Variants in DMD observed in about 807,000 individuals in gnomAD.
DMD encodes the protein mutant dystrophin.
DMD carries 63 observed loss-of-function variants against 330.1 expected under a neutral mutation model. The observed-to-expected ratio is 0.19, with a 90% CI of 0.16 to 0.24. The LOEUF is 0.24. Among genes scored for constraint, DMD ranks in the 10% least tolerant of loss-of-function variants. The pLI is 1.00. For synonymous variants in DMD, 1,223 were observed against 959.8 expected (o/e 1.27, Z -5.07); for missense variants, 3,344 against 2,684.1 (o/e 1.25, Z -5.43).
chrX:33,227,663 T>A (rs7066927), intron 1 of DMD, among the ~76,000 whole-genome samples: 9,453 of 110,281 alleles, frequency 0.086, 449 homozygotes, highest in African/African-American at 0.18. Context: ...TTTGAGAGGA[T>A]TTATGTAGCA....
At chrX:32,571,040 G>A (rs1407335419) in intron 15 of DMD, among the ~76,000 whole-genome samples, 1 of 111,703 alleles carries the variant, frequency 9.0e-6, no homozygotes, top group East Asian at 2.8e-4. Flanking sequence ...TTCTCCATGA[G>A]GAAATGAAAT....
chrX:33,311,342 T>C (rs1383624602), intron 1 of DMD, among the ~76,000 whole-genome samples: 1 of 110,270 alleles, frequency 9.1e-6, no homozygotes, highest in African/African-American at 3.3e-5. Flanking sequence ...CAGACACTTA[T>C]CTATAATATA....
chrX:32,042,078 TAC>T (rs72220274), intron 44 of DMD, among the ~76,000 whole-genome samples: 12,121 of 81,914 alleles, frequency 0.15, 1,180 homozygotes, highest in African/African-American at 0.2. Flanking sequence ...TACACATATA[TAC>T]ACACACACAT....
intron 17 of DMD, among the ~76,000 whole-genome samples, chrX:32,518,827 A>G (rs1161088898): frequency 9.1e-6 from 1 of 110,029 alleles, no homozygotes; most frequent in Non-Finnish European, 1.9e-5. Flanking sequence ...AAGACAGACA[A>G]ATGAGTGCTC....
chrX:32,222,448 T>G (rs149908586), intron 43 of DMD, among the ~76,000 whole-genome samples: 15 of 111,603 alleles, frequency 1.3e-4, no homozygotes, highest in African/African-American at 4.2e-4. Context: ...TAAATGAAAT[T>G]GAAACAAAAA....
At chrX:32,693,613 T>A (rs1464938063) in intron 9 of DMD, among the ~76,000 whole-genome samples, 1 of 111,647 alleles carries the variant, frequency 9.0e-6, no homozygotes. Flanking sequence ...TTAATTTTTG[T>A]GTTTTCAGTA....
chrX:31,834,641 T>C (rs111316324), intron 49 of DMD, among the ~76,000 whole-genome samples: 3 of 111,361 alleles, frequency 2.7e-5, no homozygotes, highest in Admixed American at 9.6e-5. Context: ...GGTTTCACCA[T>C]GTTGGCCAGG....
intron 50 of DMD, among the ~76,000 whole-genome samples, chrX:31,783,019 G>T (rs1412009633): frequency 1.8e-5 from 2 of 111,539 alleles, no homozygotes; most frequent in African/African-American, 3.3e-5. Context: ...AGAAGACAAG[G>T]GAAGAAAAAG....
Position 31,131,449 on chromosome X carries a change from C to T in DMD, c.11014+2653G>A, listed in dbSNP as rs770943379. Among the ~76,000 whole-genome samples, 16 of 111,575 alleles carry T rather than the reference C, an allele frequency of 1.4e-4. No homozygotes were observed. The East Asian group carries it at 2.8e-3, about 20-fold the overall frequency. On this transcript the variant is annotated intron_variant, in intron 77 of 78. Coordinates refer to ENST00000357033, the MANE Select transcript of DMD (RefSeq NM_004006.3). ...GTGGGTGTATATATACATGTGTGTA[C>T]ATAAACACATGTACAATTTATTTTA...
chrX:31,252,011 A>G (rs1453490976), intron 63 of DMD, among the ~76,000 whole-genome samples: 2 of 112,125 alleles, frequency 1.8e-5, no homozygotes, highest in African/African-American at 6.5e-5. Context: ...ATTCAGAAAT[A>G]TCTATTATGT....
At chrX:31,644,337 A>G (rs1299218477) in intron 54 of DMD, among the ~76,000 whole-genome samples, 2 of 112,017 alleles carry the variant, frequency 1.8e-5, no homozygotes, top group Non-Finnish European at 3.8e-5. Context: ...GTGATGCTGC[A>G]ATGTAAAAAC....
At chrX:31,486,000 G>T (rs964466976) in intron 57 of DMD, among the ~76,000 whole-genome samples, 4 of 112,312 alleles carry the variant, frequency 3.6e-5, no homozygotes, top group Admixed American at 9.4e-5. Flanking sequence ...GAACCTGGCT[G>T]CAGTGATCCA....
chrX:33,115,443 A>C (rs1406214839), intron 1 of DMD, among the ~76,000 whole-genome samples: 1 of 109,801 alleles, frequency 9.1e-6, no homozygotes, highest in Non-Finnish European at 1.9e-5. Flanking sequence ...TGGTAGGGGG[A>C]GGTTCCTTTT....
At chrX:31,746,354 A>AC (rs1450290403) in intron 51 of DMD, among the ~76,000 whole-genome samples, 1 of 111,678 alleles carries the variant, frequency 9.0e-6, no homozygotes, top group Non-Finnish European at 1.9e-5. Flanking sequence ...TGCTGTCTTC[A>AC]CATGGTAGAT....
At chrX:32,835,172 AGAGTT>A (rs1260256616) in intron 4 of DMD, among the ~76,000 whole-genome samples, 1 of 112,288 alleles carries the variant, frequency 8.9e-6, no homozygotes. Flanking sequence ...TTGAGAGAAT[AGAGTT>A]AAGTGTAGAA....
At chrX:31,896,633 G>T (rs2094337544) in intron 47 of DMD, among the ~76,000 whole-genome samples, 1 of 111,566 alleles carries the variant, frequency 9.0e-6, no homozygotes, top group South Asian at 3.7e-4. Context: ...CAGAAAACCA[G>T]ATCTACCTCT....
At chrX:31,247,238 G>C (rs891310640) in intron 63 of DMD, among the ~76,000 whole-genome samples, 2 of 111,663 alleles carry the variant, frequency 1.8e-5, no homozygotes, top group African/African-American at 6.5e-5. Context: ...TATTAGTTGA[G>C]AAATATTTTG....
intron 55 of DMD, among the ~76,000 whole-genome samples, chrX:31,525,107 C>A (rs2073143663): frequency 8.9e-6 from 1 of 111,849 alleles, no homozygotes; most frequent in Admixed American, 9.5e-5. Flanking sequence ...TGATTTTTTA[C>A]TTGGCTGCTG....
At chrX:31,882,844 A>C (rs1427951519) in intron 47 of DMD, among the ~76,000 whole-genome samples, 2 of 112,163 alleles carry the variant, frequency 1.8e-5, no homozygotes, top group East Asian at 2.8e-4. Context: ...ACTCTTGATG[A>C]ATATGTGGAT....
Sources: allele counts gnomAD v4.1 joint callset (sites outside exome capture counted in the v4.1 genomes callset), GRCh38; gene constraint gnomAD v4.1.1; transcripts MANE v1.5; gene names NCBI Gene and HGNC (gene_info 2026-07-23, HGNC 2026-07-21).